Variants in EPB41L5 observed in about 807,000 individuals in gnomAD.
EPB41L5 encodes the protein band 4.1-like protein 5.
A neutral mutation model predicts 106.6 loss-of-function variants in EPB41L5; 55 were observed. The observed-to-expected ratio is 0.52, with a 90% CI of 0.42 to 0.65. The LOEUF (loss-of-function observed/expected upper bound fraction) is 0.65. Among genes scored for constraint, EPB41L5 ranks in the 30% least tolerant of loss-of-function variants. The probability of loss-of-function intolerance (pLI) is 0.00; values close to 1 mark genes in which losing one functional copy is unlikely to be tolerated. For missense variants in EPB41L5, 871 were observed against 882.1 expected, an observed-to-expected ratio of 0.99 and a Z score of 0.16; for synonymous variants, 297 against 306.7, an observed-to-expected ratio of 0.97 and a Z score of 0.33.
chr2:120,098,156 T>G (rs142755804), intron 14 of EPB41L5, among the ~76,000 whole-genome samples: 3 of 133,728 alleles, frequency 2.2e-5, no homozygotes, highest in East Asian at 2.3e-4. Context: ...ATTGTTTGTT[T>G]TGTGTGTGTG....
At chr2:120,174,750 C>A (rs922234354) in intron 24 of EPB41L5, 91 bp from the exon 25 acceptor site, 72 of 1,101,124 alleles carry the variant, frequency 6.5e-5, no homozygotes, top group Non-Finnish European at 5.7e-5. Context: ...GCTGTACCCT[C>A]AAAATGCTCT....
chr2:120,049,072 T>G (rs1397010563), intron 3 of EPB41L5, among the ~76,000 whole-genome samples: 2 of 152,188 alleles, frequency 1.3e-5, no homozygotes, highest in Non-Finnish European at 2.9e-5. Context: ...GAGGAGTGCT[T>G]TACTTCCAAC....
intron 3 of EPB41L5, among the ~76,000 whole-genome samples, chr2:120,055,758 C>G (rs944823607): frequency 6.6e-6 from 1 of 151,938 alleles, no homozygotes; most frequent in African/African-American, 2.4e-5. Flanking sequence ...TTGGATTGTT[C>G]ATTGTTAGCA....
intron 3 of EPB41L5, among the ~76,000 whole-genome samples, chr2:120,055,427 A>G (rs181366814): frequency 1.4e-3 from 208 of 151,278 alleles, no homozygotes; most frequent in African/African-American, 4.9e-3. Flanking sequence ...CATTTTAACA[A>G]TGTAGTCTTC....
intron 14 of EPB41L5, among the ~76,000 whole-genome samples, chr2:120,096,311 C>T (rs1683750661): frequency 6.6e-6 from 1 of 152,038 alleles, no homozygotes; most frequent in African/African-American, 2.4e-5. Flanking sequence ...GGACTCCCCT[C>T]AAGTTTCTTT....
chr2:120,163,597 T>G (rs1687238279), intron 21 of EPB41L5, among the ~76,000 whole-genome samples: 1 of 151,730 alleles, frequency 6.6e-6, no homozygotes, highest in Non-Finnish European at 1.5e-5. Flanking sequence ...ACTGGTTTTT[T>G]TTTTTTTTTT....
intron 18 of EPB41L5, among the ~76,000 whole-genome samples, chr2:120,132,305 G>C (rs1438980260): frequency 6.6e-6 from 1 of 152,218 alleles, no homozygotes. Context: ...TCAGCTACCA[G>C]ATGGCCCCAC....
At chr2:120,101,654 G>T (rs143694665) in intron 16 of EPB41L5, 2,735 of 152,400 alleles carry the variant, frequency 0.018, 40 homozygotes, top group Non-Finnish European at 0.026. Flanking sequence ...AGCTTTCTGT[G>T]CAGCCAGTTC....
intron 18 of EPB41L5, among the ~76,000 whole-genome samples, chr2:120,137,399 A>T (rs1409796928): frequency 6.6e-6 from 1 of 151,992 alleles, no homozygotes; most frequent in Non-Finnish European, 1.5e-5. Flanking sequence ...AAACCAAAAA[A>T]TACAAAAGAT....
At chr2:120,029,901 A>G (rs1344637055) in intron 2 of EPB41L5, among the ~76,000 whole-genome samples, 2 of 152,174 alleles carry the variant, frequency 1.3e-5, no homozygotes, top group Admixed American at 6.5e-5. Flanking sequence ...TATTCCCACG[A>G]TGCCCGTCAG....
chr2:120,075,826 T>C, intron 7 of EPB41L5, 73 bp downstream of exon 7: 1 of 1,197,722 alleles, frequency 8.3e-7, no homozygotes, highest in Non-Finnish European at 1.2e-6. Flanking sequence ...TTAAAGAAGA[T>C]TCTAATTATG....
At chr2:120,083,274 A>G (rs1366899067) in intron 10 of EPB41L5, among the ~76,000 whole-genome samples, 1 of 152,144 alleles carries the variant, frequency 6.6e-6, no homozygotes, top group Non-Finnish European at 1.5e-5. Context: ...ACACTGCTTT[A>G]AATGTGTCCC....
rs879230226 is a variant in EPB41L5, at chr2:120,141,096, G to A, written c.1600-1907G>A. Among the ~76,000 whole-genome samples, 12 of 152,004 alleles carry A rather than the reference G, an allele frequency of 7.9e-5. 1 individual carries two copies. The highest frequency in any genetic ancestry group is 4.6e-4 in the Admixed American group (7 of 15,230). On this transcript the variant is annotated intron_variant, in intron 18 of 24. Transcript: ENST00000263713. ...AGCCCATTGTAGAGAGATCACATCCGGCCTGCATTATGCAGGATTTATACA... is the reference window on the plus strand; with the variant it reads ...AGCCCATTGTAGAGAGATCACATCCAGCCTGCATTATGCAGGATTTATACA...
At chr2:120,154,252 G>A (rs1026901256) in intron 20 of EPB41L5, among the ~76,000 whole-genome samples, 8 of 151,866 alleles carry the variant, frequency 5.3e-5, no homozygotes, top group African/African-American at 1.7e-4. Context: ...TCTGCTTCCC[G>A]GGTTCAAGCG....
At chr2:120,106,663 C>G (rs1684469930) in intron 16 of EPB41L5, 2 of 984,786 alleles carry the variant, frequency 2.0e-6, no homozygotes, top group Middle Eastern at 5.2e-4. Flanking sequence ...AATTTAACAT[C>G]TTGAATTAGG....
intron 1 of EPB41L5, 62 bp from the exon 2 acceptor site, chr2:120,019,015 C>T: frequency 7.1e-7 from 1 of 1,398,734 alleles, no homozygotes; most frequent in Non-Finnish European, 9.9e-7. Context: ...ATTTGACTGA[C>T]TGCAAGTTGT....
chr2:120,105,166 T>C, intron 16 of EPB41L5: 1 of 979,834 alleles, frequency 1.0e-6, no homozygotes, highest in South Asian at 4.7e-5. Flanking sequence ...AACTTTAGAA[T>C]TTCAAGCTCC....
At chr2:120,161,296 T>C (rs10189954) in intron 21 of EPB41L5, among the ~76,000 whole-genome samples, 5,222 of 151,762 alleles carry the variant, frequency 0.034, 296 homozygotes, top group African/African-American at 0.12. Flanking sequence ...AAGGATTGCT[T>C]GAGCCTGGGA....
intron 11 of EPB41L5, among the ~76,000 whole-genome samples, chr2:120,088,158 AT>A (rs912376559): frequency 8.6e-5 from 13 of 150,784 alleles, no homozygotes; most frequent in African/African-American, 1.7e-4. Flanking sequence ...AACGATGAAA[AT>A]TTTTTTTTTG....
Sources: gnomAD v4.1 joint callset for allele counts (sites outside exome capture counted in the v4.1 genomes callset) on GRCh38, gnomAD v4.1.1 for gene constraint, MANE v1.5 for transcripts, NCBI Gene and HGNC (gene_info 2026-07-23, HGNC 2026-07-21) for gene names.